MITF: variants seen among roughly 807,000 people sequenced by gnomAD.
MITF encodes melanocyte inducing transcription factor.
A neutral mutation model predicts 60.5 loss-of-function variants in MITF; 17 were observed. The ratio of observed to expected loss-of-function variants is 0.28; its 90% CI spans 0.19 to 0.42. MITF has a LOEUF of 0.42. MITF is among the 10% of genes least tolerant of loss of function. The pLI is 1.00. For missense variants in MITF, 622 were observed against 683.5 expected (o/e 0.91, Z 1.00); for synonymous variants, 260 against 248.5 (o/e 1.05, Z -0.43).
intron 2 of MITF, among the ~76,000 whole-genome samples, chr3:69,901,850 G>A (rs1390726325): frequency 6.6e-6 from 1 of 152,224 alleles, no homozygotes; most frequent in African/African-American, 2.4e-5. Flanking sequence ...AAGAGTCCAT[G>A]TAGTGTAGGC....
At chr3:69,813,314 T>C (rs1381349025) in intron 1 of MITF, among the ~76,000 whole-genome samples, 1 of 152,206 alleles carries the variant, frequency 6.6e-6, no homozygotes, top group Non-Finnish European at 1.5e-5. Context: ...GCTCTTTTGC[T>C]TCCATTATGC....
chr3:69,888,644 G>A (rs187713363), intron 2 of MITF, among the ~76,000 whole-genome samples: 7 of 152,070 alleles, frequency 4.6e-5, no homozygotes, highest in East Asian at 3.9e-4. Context: ...TTATAAAACC[G>A]GTTGATTTAA....
intron 2 of MITF, among the ~76,000 whole-genome samples, chr3:69,898,134 C>A (rs1435456252): frequency 2.0e-5 from 3 of 152,186 alleles, no homozygotes; most frequent in African/African-American, 7.2e-5. Context: ...GAGAGGGGCA[C>A]AGAGTTTTGA....
chr3:69,964,258 C>T (rs2066628723), intron 9 of MITF, among the ~76,000 whole-genome samples: 1 of 152,050 alleles, frequency 6.6e-6, no homozygotes, highest in Non-Finnish European at 1.5e-5. Flanking sequence ...TTTCTTTTAT[C>T]AGCTCGCATT....
chr3:69,867,354 G>A (rs562422845), intron 1 of MITF, among the ~76,000 whole-genome samples: 7 of 152,116 alleles, frequency 4.6e-5, no homozygotes, highest in Non-Finnish European at 1.0e-4. Context: ...ATTACCATAA[G>A]TTTAAGTGTG....
intron 2 of MITF, among the ~76,000 whole-genome samples, chr3:69,935,225 A>G (rs1268694758): frequency 6.6e-6 from 1 of 152,198 alleles, no homozygotes; most frequent in Non-Finnish European, 1.5e-5. Context: ...AAAAATAAAA[A>G]GTTATTAACA....
At chr3:69,894,424 G>A (rs533564785) in intron 2 of MITF, among the ~76,000 whole-genome samples, 1 of 152,242 alleles carries the variant, frequency 6.6e-6, no homozygotes, top group East Asian at 1.9e-4. Flanking sequence ...AGTGGCTCAC[G>A]CCTGTAACCC....
intron 1 of MITF, among the ~76,000 whole-genome samples, chr3:69,814,297 C>CTCAT (rs1392068686): frequency 1.3e-5 from 2 of 152,072 alleles, no homozygotes; most frequent in African/African-American, 2.4e-5. Context: ...TAAGTATTGA[C>CTCAT]TCATTCATTC....
intron 7 of MITF, among the ~76,000 whole-genome samples, chr3:69,955,750 G>A (rs913534727): frequency 1.3e-5 from 2 of 152,074 alleles, no homozygotes; most frequent in African/African-American, 2.4e-5. Context: ...GGAGATGGAG[G>A]TCGCAGTGAG....
chr3:69,807,902 T>A (rs1324001421), intron 1 of MITF, among the ~76,000 whole-genome samples: 1 of 151,980 alleles, frequency 6.6e-6, no homozygotes, highest in Non-Finnish European at 1.5e-5. Flanking sequence ...ACTCTGTTTG[T>A]TTAGCAGTTT....
At chr3:69,867,940 T>A (rs553828442) in intron 1 of MITF, among the ~76,000 whole-genome samples, 32 of 152,362 alleles carry the variant, frequency 2.1e-4, no homozygotes, top group African/African-American at 7.5e-4. Flanking sequence ...TTATTGCCCA[T>A]TAACTTTTCT....
intron 2 of MITF, among the ~76,000 whole-genome samples, chr3:69,902,253 C>T (rs2065009778): frequency 6.6e-6 from 1 of 151,856 alleles, no homozygotes; most frequent in Non-Finnish European, 1.5e-5. Context: ...TCCTTATCAT[C>T]TCTTTTGCAT....
chr3:69,781,528 A>G (rs1344131161), intron 1 of MITF, among the ~76,000 whole-genome samples: 2 of 152,184 alleles, frequency 1.3e-5, no homozygotes, highest in Non-Finnish European at 2.9e-5. Flanking sequence ...GTGCACCTGC[A>G]TAGATCTCAT....
intron 1 of MITF, among the ~76,000 whole-genome samples, chr3:69,750,680 G>C (rs1030829209): frequency 1.2e-4 from 18 of 151,908 alleles, no homozygotes; most frequent in African/African-American, 4.1e-4. Context: ...CTGTTTGGTA[G>C]GTCTGGAGTA....
chr3:69,892,269 A>C (rs2064776765), intron 2 of MITF, among the ~76,000 whole-genome samples: 1 of 152,212 alleles, frequency 6.6e-6, no homozygotes, highest in African/African-American at 2.4e-5. Context: ...CTACTTAAAA[A>C]TATTATTTTT....
intron 2 of MITF, among the ~76,000 whole-genome samples, chr3:69,931,082 G>A (rs2065712504): frequency 1.3e-5 from 2 of 152,102 alleles, no homozygotes; most frequent in African/African-American, 2.4e-5. Flanking sequence ...TTTATTTTAT[G>A]TGGTTATTCC....
At position 69,782,348 on chromosome 3, in the gene MITF, C is replaced by T. The variant is rs181773204; in HGVS notation, c.104+42647C>T. ...AGGCCAAATTAGCCCTATACCCATA[C>T]ACCTGACCCTTATAATAGAATAATA... On this transcript the variant is annotated intron_variant, in intron 1 of 9. Transcript: ENST00000352241. 2.1e-3 allele frequency among the ~76,000 whole-genome samples: 318 copies of T among 152,332 alleles called. 1 individual carries two copies. The highest frequency in any genetic ancestry group is 7.3e-3 in the African/African-American group (302 of 41,578).
At chr3:69,787,335 A>G (rs1166438623) in intron 1 of MITF, among the ~76,000 whole-genome samples, 3 of 152,216 alleles carry the variant, frequency 2.0e-5, no homozygotes, top group Admixed American at 6.5e-5. Context: ...ATGCAGATTT[A>G]AATAGTTGAG....
intron 1 of MITF, among the ~76,000 whole-genome samples, chr3:69,796,490 C>CTTTCTTTTTTTT (rs2062829829): frequency 1.8e-5 from 2 of 111,460 alleles, no homozygotes; most frequent in Non-Finnish European, 4.1e-5. Flanking sequence ...CAAACACCGT[C>CTTTCTTTTTTTT]TTTCTTTTTT....
Sources: allele counts gnomAD v4.1 joint callset (sites outside exome capture counted in the v4.1 genomes callset), GRCh38; gene constraint gnomAD v4.1.1; transcripts MANE v1.5; gene names NCBI Gene and HGNC (gene_info 2026-07-23, HGNC 2026-07-21).